Variants in PIP5K1B observed in about 807,000 individuals in gnomAD.
PIP5K1B encodes the protein phosphatidylinositol-4-phosphate 5-kinase type 1 beta.
PIP5K1B carries 42 observed loss-of-function variants against 67.0 expected under a neutral mutation model. That is an observed-to-expected ratio of 0.63 (90% CI 0.49 to 0.81). PIP5K1B has a LOEUF of 0.81. PIP5K1B is among the 30% of genes least tolerant of loss of function. The pLI, the probability that PIP5K1B is intolerant of heterozygous loss-of-function variation, is 0.00. For missense variants in PIP5K1B, 459 were observed against 646.3 expected, an observed-to-expected ratio of 0.71 and a Z score of 3.14; for synonymous variants, 214 against 231.4, an observed-to-expected ratio of 0.92 and a Z score of 0.68.
At position 68,948,516 on chromosome 9, in the gene PIP5K1B, G is replaced by A. The variant is rs11144450; in HGVS notation, c.1502+7726G>A. ...AAAACACATCTGAGCATGGTGGCACGTGCCTGTAGTCCCAGCTACTTGGGA... is the reference window on the plus strand; with the variant it reads ...AAAACACATCTGAGCATGGTGGCACATGCCTGTAGTCCCAGCTACTTGGGA... On this transcript the variant is annotated intron_variant, in intron 14 of 15. Coordinates refer to ENST00000265382, the MANE Select transcript of PIP5K1B (RefSeq NM_003558.4). Among the ~76,000 whole-genome samples, 105 of 152,152 alleles carry A rather than the reference G, an allele frequency of 6.9e-4. No homozygotes were observed. In the East Asian group the frequency reaches 0.02, roughly 29 times the overall value.
intron 4 of PIP5K1B, among the ~76,000 whole-genome samples, chr9:68,847,073 G>T (rs1408619273): frequency 6.6e-6 from 1 of 152,094 alleles, no homozygotes; most frequent in Non-Finnish European, 1.5e-5. Context: ...TAGCAATTAA[G>T]TCCTCCTGTC....
At chr9:68,718,646 A>G (rs1423780400) in intron 1 of PIP5K1B, among the ~76,000 whole-genome samples, 1 of 152,232 alleles carries the variant, frequency 6.6e-6, no homozygotes, top group African/African-American at 2.4e-5. Flanking sequence ...CAAGTTTTGT[A>G]TAGAAAATTT....
Position 68,705,567 on chromosome 9 carries a change from C to G in PIP5K1B, c.-438C>G, listed in dbSNP as rs1255812635. 1 of 150,934 alleles carries G rather than the reference C, an allele frequency of 6.6e-6. No homozygotes were observed. Among genetic ancestry groups the G allele is most frequent in the Non-Finnish European group, 1.5e-5 (1 of 67,172 alleles). 9.3% of individuals were successfully genotyped at this position (150,934 alleles called of 1,614,324 possible). On this transcript the variant is annotated 5_prime_UTR_variant, in exon 1 of 16. Transcript: ENST00000265382. ...TGGCCCCGCGGCTCCAGCCCCGGCA[C>G]CTGCCCGCCCTCAGCGTTGCCCCCG...
chr9:68,924,010 C>T (rs898605405), intron 12 of PIP5K1B, among the ~76,000 whole-genome samples: 4 of 150,636 alleles, frequency 2.7e-5, no homozygotes, highest in Admixed American at 1.3e-4. Context: ...ATTAGAAAAA[C>T]CTCAAGATGA....
intron 2 of PIP5K1B, among the ~76,000 whole-genome samples, chr9:68,749,742 G>A (rs1449081027): frequency 6.6e-6 from 1 of 152,170 alleles, no homozygotes; most frequent in Non-Finnish European, 1.5e-5. Context: ...ATTCTTTGTT[G>A]TGGGGCGGTC....
At chr9:68,951,821 C>A (rs889304116) in intron 14 of PIP5K1B, among the ~76,000 whole-genome samples, 1 of 152,192 alleles carries the variant, frequency 6.6e-6, no homozygotes, top group Admixed American at 6.5e-5. Context: ...TCCACCTCCC[C>A]CTACGTCTTC....
intron 4 of PIP5K1B, among the ~76,000 whole-genome samples, chr9:68,854,571 T>C (rs1036428097): frequency 2.6e-5 from 4 of 152,220 alleles, no homozygotes; most frequent in Non-Finnish European, 5.9e-5. Context: ...TTACATTTTA[T>C]AAAAGCACAA....
chr9:68,954,307 T>C (rs1395800117), intron 14 of PIP5K1B, among the ~76,000 whole-genome samples: 1 of 152,188 alleles, frequency 6.6e-6, no homozygotes, highest in Non-Finnish European at 1.5e-5. Flanking sequence ...TTTTTAACCC[T>C]TTATTGTAGT....
At chr9:68,840,316 G>A (rs1201078402) in intron 4 of PIP5K1B, among the ~76,000 whole-genome samples, 1 of 151,578 alleles carries the variant, frequency 6.6e-6, no homozygotes, top group African/African-American at 2.4e-5. Flanking sequence ...GGCGGAGGTT[G>A]TAGTGAACTG....
intron 8 of PIP5K1B, among the ~76,000 whole-genome samples, chr9:68,898,169 G>A (rs1256260210): frequency 6.6e-6 from 1 of 152,108 alleles, no homozygotes; most frequent in Non-Finnish European, 1.5e-5. Flanking sequence ...TGGCCACTTG[G>A]AACTATTCTA....
chr9:68,930,645 C>T (rs1435082995), intron 12 of PIP5K1B, among the ~76,000 whole-genome samples: 1 of 151,708 alleles, frequency 6.6e-6, no homozygotes, highest in African/African-American at 2.4e-5. Context: ...GTCTCTTTGC[C>T]TCCCATCATG....
At chr9:68,969,705 C>T (rs1159422829) in intron 14 of PIP5K1B, among the ~76,000 whole-genome samples, 2 of 152,160 alleles carry the variant, frequency 1.3e-5, no homozygotes, top group East Asian at 1.9e-4. Context: ...TCCTCCCACC[C>T]GAGGCCCTTC....
intron 1 of PIP5K1B, among the ~76,000 whole-genome samples, chr9:68,723,177 T>TGAGA (rs1827972683): frequency 7.2e-6 from 1 of 139,776 alleles, no homozygotes; most frequent in African/African-American, 2.8e-5. Context: ...TGTGTGTGTG[T>TGAGA]GTGAGAGAGA....
chr9:68,864,091 G>C, intron 5 of PIP5K1B, 124 bp downstream of exon 5: 1 of 850,688 alleles, frequency 1.2e-6, no homozygotes, highest in Non-Finnish European at 1.8e-6. Context: ...TGGGCCTTTG[G>C]CAGGGCCAAA....
In PIP5K1B at chr9:68,863,845, A is replaced by G. The variant is rs767138714; in HGVS notation, c.78A>G (p.Ser26=). Residue 26 remains serine, a synonymous_variant, in exon 5 of 16, where the codon TCA becomes TCG. Coordinates refer to ENST00000265382, the MANE Select transcript of PIP5K1B (RefSeq NM_003558.4). ...NEEKTYKKTA[S]SAIKGAIQLG... ...CCTTGTTTTCTTTGCAGACTGCATCATCTGCTATTAAAGGTGCTATTCAGC... is the reference window on the plus strand; with the variant it reads ...CCTTGTTTTCTTTGCAGACTGCATCGTCTGCTATTAAAGGTGCTATTCAGC... The G allele has an allele frequency of 5.6e-6, 9 of 1,613,628 alleles. No individual in the cohort carries two copies. The highest frequency in any genetic ancestry group is 7.6e-6 in the Non-Finnish European group (9 of 1,179,718).
intron 14 of PIP5K1B, among the ~76,000 whole-genome samples, chr9:68,960,909 G>A (rs967264577): frequency 3.3e-5 from 5 of 152,220 alleles, no homozygotes; most frequent in Non-Finnish European, 7.4e-5. Context: ...TTGTCTGTTC[G>A]TACTTAAAAG....
intron 14 of PIP5K1B, among the ~76,000 whole-genome samples, chr9:68,981,180 A>G (rs1363186137): frequency 6.6e-6 from 1 of 152,210 alleles, no homozygotes; most frequent in African/African-American, 2.4e-5. Context: ...TGAGAGGGGA[A>G]AGCAGGGACA....
At chr9:68,833,934 G>A (rs1273175991) in intron 4 of PIP5K1B, among the ~76,000 whole-genome samples, 1 of 152,192 alleles carries the variant, frequency 6.6e-6, no homozygotes, top group Non-Finnish European at 1.5e-5. Flanking sequence ...GGGACTCAAG[G>A]AAGAGGTCTG....
intron 2 of PIP5K1B, among the ~76,000 whole-genome samples, chr9:68,810,905 CTT>C (rs951116581): frequency 2.0e-5 from 3 of 152,162 alleles, no homozygotes; most frequent in African/African-American, 7.2e-5. Context: ...ATTAGACAAT[CTT>C]CTCATTGTTT....
Sources: allele counts gnomAD v4.1 joint callset (sites outside exome capture counted in the v4.1 genomes callset), GRCh38; gene constraint gnomAD v4.1.1; transcripts MANE v1.5; gene names NCBI Gene and HGNC (gene_info 2026-07-23, HGNC 2026-07-21).